The following ATP10B variants were observed in gnomAD, a reference collection of about 807,000 sequenced individuals.
ATP10B encodes the protein ATPase phospholipid transporting 10B (putative), also known as phospholipid-transporting ATPase VB.
A neutral mutation model predicts 141.2 loss-of-function variants in ATP10B; 122 were observed. That is an observed-to-expected ratio of 0.86 (90% CI 0.75 to 1.00). The LOEUF (loss-of-function observed/expected upper bound fraction) is 1.00, where lower values mean the gene tolerates loss of function less well. Ranked by LOEUF, ATP10B falls within the 50% of genes least tolerant of loss-of-function variation. The pLI is 0.00. For missense variants in ATP10B, 1,876 were observed against 1,825.3 expected (o/e 1.03, Z -0.51); for synonymous variants, 685 against 692.0 (o/e 0.99, Z 0.16).
chr5:160,644,692 C>T, intron 8 of ATP10B, among the ~76,000 whole-genome samples: 1 of 152,168 alleles, frequency 6.6e-6, no homozygotes, highest in Middle Eastern at 3.2e-3. Context: ...ATGGCAACGT[C>T]AGGAAGTTAC....
At chr5:160,649,319 T>C (rs1170639347) in intron 7 of ATP10B, 63 bp from the exon 8 acceptor site, 1 of 1,172,776 alleles carries the variant, frequency 8.5e-7, no homozygotes, top group South Asian at 1.2e-5. Flanking sequence ...ATAGGATCAC[T>C]GGGAGAGCTA....
chr5:160,598,267 C>T (rs1561640330), intron 22 of ATP10B, among the ~76,000 whole-genome samples: 2 of 151,886 alleles, frequency 1.3e-5, no homozygotes, highest in Non-Finnish European at 2.9e-5. Flanking sequence ...AATCATCATT[C>T]TCAGTAAACT....
intron 2 of ATP10B, among the ~76,000 whole-genome samples, chr5:160,734,433 C>T (rs1314452079): frequency 6.6e-6 from 1 of 151,626 alleles, no homozygotes; most frequent in Non-Finnish European, 1.5e-5. Context: ...ATACATGTAA[C>T]AATAGAACAA....
chr5:160,773,859 CAG>C (rs1770088281), intron 2 of ATP10B, among the ~76,000 whole-genome samples: 1 of 152,290 alleles, frequency 6.6e-6, no homozygotes, highest in Admixed American at 6.5e-5. Flanking sequence ...CCTTTGATCA[CAG>C]AATCTAAGTA....
At chr5:160,828,973 C>G (rs1044309197) in intron 1 of ATP10B, among the ~76,000 whole-genome samples, 13 of 141,966 alleles carry the variant, frequency 9.2e-5, no homozygotes, top group African/African-American at 3.4e-4. Flanking sequence ...AACCAAACAC[C>G]GCATGTTCTC....
chr5:160,646,523 G>A (rs1760285013), intron 8 of ATP10B, among the ~76,000 whole-genome samples: 1 of 152,088 alleles, frequency 6.6e-6, no homozygotes, highest in Non-Finnish European at 1.5e-5. Flanking sequence ...TAAAAATCTG[G>A]TAGATAAAAT....
chr5:160,761,436 A>G (rs934857608), intron 2 of ATP10B, among the ~76,000 whole-genome samples: 1 of 149,386 alleles, frequency 6.7e-6, no homozygotes, highest in African/African-American at 2.5e-5. Context: ...ATTCCCCAGC[A>G]CCAGGGCCCA....
intron 2 of ATP10B, among the ~76,000 whole-genome samples, chr5:160,726,509 G>A (rs551921944): frequency 1.8e-4 from 27 of 152,250 alleles, no homozygotes; most frequent in Non-Finnish European, 2.6e-4. Context: ...TCTCTGGGAG[G>A]CAGGATATCC....
chr5:160,812,861 T>C (rs533847861), intron 1 of ATP10B, among the ~76,000 whole-genome samples: 13 of 151,458 alleles, frequency 8.6e-5, no homozygotes, highest in Non-Finnish European at 1.6e-4. Flanking sequence ...CTAACAGAAC[T>C]TCCCAAATCT....
intron 2 of ATP10B, among the ~76,000 whole-genome samples, chr5:160,726,720 G>A (rs1766394080): frequency 6.7e-6 from 1 of 149,806 alleles, no homozygotes; most frequent in African/African-American, 2.5e-5. Flanking sequence ...AAGGCTGCAA[G>A]TGTGAGCTCT....
At chr5:160,774,893 A>T (rs1219240010) in intron 2 of ATP10B, among the ~76,000 whole-genome samples, 1 of 152,142 alleles carries the variant, frequency 6.6e-6, no homozygotes, top group African/African-American at 2.4e-5. Flanking sequence ...GGTTGCACAG[A>T]GTCTCCCTCA....
At chr5:160,569,237 T>C (rs764276943) in intron 25 of ATP10B, among the ~76,000 whole-genome samples, 14 of 152,236 alleles carry the variant, frequency 9.2e-5, no homozygotes, top group Non-Finnish European at 2.1e-4. Context: ...TAGGAATTGA[T>C]ACTCCCATTT....
At chr5:160,923,430 C>T in the ATP10B span, among the ~76,000 whole-genome samples, 1 of 152,136 alleles carries the variant, frequency 6.6e-6, no homozygotes, top group Admixed American at 6.6e-5. Flanking sequence ...ACAGTATTTA[C>T]CTCACGAGGT....
intron 1 of ATP10B, among the ~76,000 whole-genome samples, chr5:160,832,826 C>G (rs1027391329): frequency 2.6e-5 from 4 of 152,104 alleles, no homozygotes; most frequent in African/African-American, 4.8e-5. Context: ...AGAACAAAAC[C>G]TGCCATAGGT....
rs1561752412 is a variant in ATP10B at position 160,686,127 on chromosome 5, TGTCTCTTGAA to T, written c.412_421del (p.Phe138ThrfsTer7). 1.2e-6 allele frequency: 2 copies of T among 1,604,944 alleles called. No homozygotes were observed. The highest frequency in any genetic ancestry group is 3.4e-5 in the Admixed American group (2 of 58,972). ...GCAGTTTATTGCTTTATCAAAGCGG[TGTCTCTTGAA>T]GTCCTCCATGCCATCCTTGATCATG... is the stretch of plus-strand genomic sequence containing the variant. On this transcript the variant is annotated frameshift_variant, in exon 6 of 26. Coordinates refer to ENST00000327245, the MANE Select transcript of ATP10B (RefSeq NM_025153.3). LOFTEE classifies it high-confidence loss of function.
chr5:160,642,883 G>A (rs2127677834), intron 9 of ATP10B, among the ~76,000 whole-genome samples: 1 of 152,342 alleles, frequency 6.6e-6, no homozygotes, highest in Middle Eastern at 3.4e-3. Context: ...ACTAGCTGGA[G>A]CCATGGTTAA....
intron 3 of ATP10B, chr5:160,691,667 G>A (rs765968714): frequency 3.4e-4 from 52 of 152,202 alleles, no homozygotes; most frequent in Admixed American, 9.2e-4. Context: ...TTTATTTCTA[G>A]TTTAAATGGT....
chr5:160,668,011 C>T (rs1005381987), intron 7 of ATP10B, among the ~76,000 whole-genome samples: 9 of 152,244 alleles, frequency 5.9e-5, no homozygotes, highest in Non-Finnish European at 8.8e-5. Flanking sequence ...AGGTGGATCA[C>T]TTCAGGTCAG....
intron 10 of ATP10B, chr5:160,639,228 CTCT>C (rs1759644210): frequency 6.6e-6 from 1 of 152,314 alleles, no homozygotes; most frequent in African/African-American, 2.4e-5. Flanking sequence ...TAGCAGCTAC[CTCT>C]TCAAGAAAGA....
Sources: allele counts gnomAD v4.1 joint callset (sites outside exome capture counted in the v4.1 genomes callset), GRCh38; gene constraint gnomAD v4.1.1; transcripts MANE v1.5; gene names NCBI Gene and HGNC (gene_info 2026-07-23, HGNC 2026-07-21).